MTUS2: variants seen among roughly 807,000 people sequenced by gnomAD.
MTUS2 encodes microtubule associated scaffold protein 2.
MTUS2 carries 40 observed loss-of-function variants against 114.1 expected under a neutral mutation model. The observed-to-expected ratio is 0.35, with a 90% CI of 0.27 to 0.46. MTUS2 has a LOEUF of 0.46. Among genes scored for constraint, MTUS2 ranks in the 20% least tolerant of loss-of-function variants. The pLI is 1.00. For synonymous variants in MTUS2, 688 were observed against 672.0 expected (o/e 1.02, Z -0.37); for missense variants, 1,679 against 1,705.4 (o/e 0.98, Z 0.27).
intron 4 of MTUS2, among the ~76,000 whole-genome samples, chr13:29,043,395 T>C (rs1593414545): frequency 6.6e-6 from 1 of 152,192 alleles, no homozygotes; most frequent in Non-Finnish European, 1.5e-5. Context: ...CTGATGAATG[T>C]ACATTCTGTA....
intron 8 of MTUS2, among the ~76,000 whole-genome samples, chr13:29,404,418 G>A (rs986682760): frequency 9.2e-5 from 14 of 152,150 alleles, no homozygotes; most frequent in Non-Finnish European, 1.9e-4. Context: ...CTACTCGAGA[G>A]GCTGAGGCAG....
intron 8 of MTUS2, among the ~76,000 whole-genome samples, chr13:29,374,158 G>T (rs1203646526): frequency 6.9e-6 from 1 of 144,464 alleles, no homozygotes; most frequent in Admixed American, 6.8e-5. Context: ...CTGAACAACA[G>T]AAAGAAAATA....
chr13:29,275,575 AGTT>A (rs1354277958), intron 5 of MTUS2, among the ~76,000 whole-genome samples: 1 of 152,108 alleles, frequency 6.6e-6, no homozygotes, highest in Non-Finnish European at 1.5e-5. Flanking sequence ...GTATGTGTTC[AGTT>A]GTTTTAATTT....
chr13:29,147,761 A>G (rs1593528133), intron 5 of MTUS2, among the ~76,000 whole-genome samples: 1 of 152,196 alleles, frequency 6.6e-6, no homozygotes, highest in East Asian at 1.9e-4. Flanking sequence ...GCTGCAAAGG[A>G]CATGATTCTG....
At chr13:29,368,237 C>G (rs1354253926) in intron 8 of MTUS2, among the ~76,000 whole-genome samples, 1 of 151,936 alleles carries the variant, frequency 6.6e-6, no homozygotes, top group Non-Finnish European at 1.5e-5. Flanking sequence ...TGCACCCAGC[C>G]CCAGAATCTG....
intron 2 of MTUS2, among the ~76,000 whole-genome samples, chr13:28,955,011 A>G (rs1266006967): frequency 6.6e-6 from 1 of 152,182 alleles, no homozygotes; most frequent in African/African-American, 2.4e-5. Context: ...AACACTGTGG[A>G]GTCAGCAATC....
Position 28,895,757 on chromosome 13 carries a change from A to T in MTUS2, c.-243+55907A>T, listed in dbSNP as rs376585878. 2.6e-5 allele frequency among the ~76,000 whole-genome samples: 4 copies of T among 152,216 alleles called. No homozygotes were observed. In the East Asian group the frequency reaches 5.8e-4, roughly 22 times the overall value. The stretch of plus-strand genomic sequence containing the variant: ...CCCTCCACTGTTGGATATGGTAGCC[A>T]CTAGCACCAGTGGGAATTTAAATGT... On this transcript the variant is annotated intron_variant, in intron 2 of 15. Transcript: ENST00000612955.
At chr13:29,488,536 G>A (rs2138951135) in intron 11 of MTUS2, among the ~76,000 whole-genome samples, 1 of 149,626 alleles carries the variant, frequency 6.7e-6, no homozygotes, top group African/African-American at 2.5e-5. Flanking sequence ...TGCCTCCTGG[G>A]TTCAAGCGAT....
At chr13:29,034,623 C>T (rs540821191) in intron 4 of MTUS2, among the ~76,000 whole-genome samples, 10 of 152,250 alleles carry the variant, frequency 6.6e-5, no homozygotes, top group African/African-American at 2.4e-4. Flanking sequence ...GGAGTTGCCA[C>T]ATAGAGAAGT....
chr13:28,998,146 A>G (rs1885206841), intron 2 of MTUS2, among the ~76,000 whole-genome samples: 1 of 151,908 alleles, frequency 6.6e-6, no homozygotes, highest in Non-Finnish European at 1.5e-5. Flanking sequence ...TCCTTCACTT[A>G]TGAAGCTTAG....
At chr13:29,243,827 G>A (rs764823844) in intron 5 of MTUS2, among the ~76,000 whole-genome samples, 2 of 152,176 alleles carry the variant, frequency 1.3e-5, no homozygotes, top group African/African-American at 2.4e-5. Flanking sequence ...CTGAGGCATC[G>A]ATACAATTTG....
intron 9 of MTUS2, among the ~76,000 whole-genome samples, chr13:29,444,919 T>A (rs77711285): frequency 0.018 from 2,749 of 152,324 alleles, 83 homozygotes; most frequent in African/African-American, 0.063. Flanking sequence ...CCTGTCTGCC[T>A]GGGGGACTCA....
chr13:28,991,664 G>A (rs1044122372), intron 2 of MTUS2, among the ~76,000 whole-genome samples: 3 of 152,126 alleles, frequency 2.0e-5, no homozygotes, highest in Admixed American at 6.6e-5. Flanking sequence ...CACCGCGCCC[G>A]GGTGTTTCTT....
At chr13:28,992,017 G>A (rs933974169) in intron 2 of MTUS2, among the ~76,000 whole-genome samples, 1 of 152,202 alleles carries the variant, frequency 6.6e-6, no homozygotes, top group Non-Finnish European at 1.5e-5. Flanking sequence ...CCAGCACAGA[G>A]CCTGCCTACC....
intron 2 of MTUS2, among the ~76,000 whole-genome samples, chr13:28,875,121 A>G (rs543990924): frequency 6.6e-6 from 1 of 152,326 alleles, no homozygotes; most frequent in African/African-American, 2.4e-5. Context: ...GAATAAACAA[A>G]TCTAGTAGAT....
At chr13:29,472,845 C>G (rs1354251006) in intron 9 of MTUS2, among the ~76,000 whole-genome samples, 1 of 152,104 alleles carries the variant, frequency 6.6e-6, no homozygotes, top group African/African-American at 2.4e-5. Flanking sequence ...TGGGAAATTC[C>G]TAACAGGATA....
intron 2 of MTUS2, among the ~76,000 whole-genome samples, chr13:28,957,687 G>T (rs188265957): frequency 4.3e-5 from 4 of 93,188 alleles, no homozygotes; most frequent in East Asian, 3.3e-4. Flanking sequence ...GTATCTGGAG[G>T]GGGGGGTCCT....
At chr13:29,151,199 T>C (rs115741103) in intron 5 of MTUS2, among the ~76,000 whole-genome samples, 1 of 152,166 alleles carries the variant, frequency 6.6e-6, no homozygotes, top group African/African-American at 2.4e-5. Context: ...CATTTGTTAT[T>C]ATCATCTATG....
At position 29,439,791 on chromosome 13, in the gene MTUS2, T is replaced by C. The variant is rs182344870; in HGVS notation, c.3118-192T>C. Among the ~76,000 whole-genome samples, 18 of 152,332 alleles carry C rather than the reference T, an allele frequency of 1.2e-4. No individual in the cohort carries two copies. The East Asian group carries it at 3.5e-3, about 29-fold the overall frequency. On this transcript the variant is annotated intron_variant, in intron 8 of 15. Coordinates refer to ENST00000612955, the MANE Select transcript of MTUS2 (RefSeq NM_001033602.4). ...TAATATTATGATGCAAGCTTTGCCA[T>C]TTGAATGGGATACAAATGAATGAGT...
Sources: allele counts gnomAD v4.1 joint callset (sites outside exome capture counted in the v4.1 genomes callset), GRCh38; gene constraint gnomAD v4.1.1; transcripts MANE v1.5; gene names NCBI Gene and HGNC (gene_info 2026-07-23, HGNC 2026-07-21).